The following DLGAP2 variants were observed in gnomAD, a reference collection of about 807,000 sequenced individuals.
DLGAP2 encodes DLG associated protein 2, also known as disks large-associated protein 2.
Under a neutral mutation model 100.3 loss-of-function variants are expected in DLGAP2, and 26 were observed. That is an observed-to-expected ratio of 0.26 (90% confidence interval 0.19 to 0.36). The LOEUF (loss-of-function observed/expected upper bound fraction) is 0.36. Among genes scored for constraint, DLGAP2 ranks in the 10% least tolerant of loss-of-function variants. DLGAP2 has a pLI of 1.00. For missense variants in DLGAP2, 1,858 were observed against 1,453.2 expected (o/e 1.28, Z -4.53); for synonymous variants, 886 against 630.1 (o/e 1.41, Z -6.08).
intron 1 of DLGAP2, among the ~76,000 whole-genome samples, chr8:852,671 A>T (rs1369202960): frequency 6.6e-6 from 1 of 152,168 alleles, no homozygotes; most frequent in Non-Finnish European, 1.5e-5. Context: ...ATGTTCGCAG[A>T]TGTCATGCTA....
intron 3 of DLGAP2, among the ~76,000 whole-genome samples, chr8:1,349,679 A>G (rs56091790): frequency 5.1e-4 from 45 of 88,410 alleles, no homozygotes; most frequent in South Asian, 8.8e-4. Context: ...GGAGACTATC[A>G]TGAGCCTCCT....
At chr8:1,012,110 C>G (rs1198133834) in intron 2 of DLGAP2, among the ~76,000 whole-genome samples, 1 of 152,210 alleles carries the variant, frequency 6.6e-6, no homozygotes, top group Non-Finnish European at 1.5e-5. Flanking sequence ...CTGTTCCCCA[C>G]TTGCAGACTC....
At chr8:1,495,854 G>A (rs147117838) in intron 3 of DLGAP2, among the ~76,000 whole-genome samples, 19 of 152,288 alleles carry the variant, frequency 1.2e-4, no homozygotes, top group African/African-American at 2.2e-4. Flanking sequence ...GTTAAATAGC[G>A]CGTGTCCATC....
chr8:1,696,956 G>T (rs763439344), intron 13 of DLGAP2, among the ~76,000 whole-genome samples, 191 bp from the exon 14 acceptor site: 1 of 152,238 alleles, frequency 6.6e-6, no homozygotes, highest in East Asian at 1.9e-4. Context: ...TTTTTAGGCC[G>T]ACAGCAAATA....
At chr8:1,343,189 C>A (rs992211624) in intron 3 of DLGAP2, among the ~76,000 whole-genome samples, 1 of 152,192 alleles carries the variant, frequency 6.6e-6, no homozygotes, top group African/African-American at 2.4e-5. Context: ...AAGCAGTGTG[C>A]ATGGTTATGG....
chr8:1,271,318 G>A (rs9650488), intron 3 of DLGAP2, among the ~76,000 whole-genome samples: 34,413 of 151,994 alleles, frequency 0.23, 4,217 homozygotes, highest in Non-Finnish European at 0.28. Flanking sequence ...GGGGGGGTGC[G>A]CCCATTTCAA....
intron 2 of DLGAP2, among the ~76,000 whole-genome samples, chr8:1,166,337 C>T (rs532773533): frequency 2.0e-5 from 3 of 152,336 alleles, no homozygotes; most frequent in South Asian, 2.1e-4. Flanking sequence ...TTATCCTCTT[C>T]ATTCAGGACC....
At chr8:1,683,854 ATATGTGTGTGTGTGTG>A (rs1389497423) in intron 12 of DLGAP2, among the ~76,000 whole-genome samples, 1 of 72,982 alleles carries the variant, frequency 1.4e-5, no homozygotes, top group African/African-American at 8.5e-5. Context: ...ATATATATAT[ATATGTGTGTGTGTGTG>A]TGTGTGTGTG....
At chr8:821,288 C>T (rs530008348) in intron 1 of DLGAP2, among the ~76,000 whole-genome samples, 1 of 152,136 alleles carries the variant, frequency 6.6e-6, no homozygotes, top group Non-Finnish European at 1.5e-5. Flanking sequence ...GTCAATATAA[C>T]ATGATCATAG....
intron 1 of DLGAP2, among the ~76,000 whole-genome samples, chr8:877,634 C>G (rs143022440): frequency 4.1e-4 from 63 of 152,310 alleles, no homozygotes; most frequent in African/African-American, 1.5e-3. Context: ...CAAGAAGGAT[C>G]CTCCCAGCTG....
intron 1 of DLGAP2, among the ~76,000 whole-genome samples, chr8:792,131 C>T (rs1331682768): frequency 6.6e-6 from 1 of 152,102 alleles, no homozygotes; most frequent in Non-Finnish European, 1.5e-5. Flanking sequence ...TAATTAAATT[C>T]CAAGAGTTCT....
chr8:1,573,071 T>G (rs1281891144), intron 6 of DLGAP2, among the ~76,000 whole-genome samples: 4 of 42,734 alleles, frequency 9.4e-5, no homozygotes, highest in Middle Eastern at 0.016. Flanking sequence ...GGGTGAACTG[T>G]GGGGGCATCT....
At chr8:1,175,767 C>G (rs956385417) in intron 2 of DLGAP2, among the ~76,000 whole-genome samples, 2 of 152,190 alleles carry the variant, frequency 1.3e-5, no homozygotes, top group Non-Finnish European at 2.9e-5. Context: ...GTCATTCACC[C>G]TATACCTCAT....
At chr8:1,342,026 C>T (rs1398550725) in intron 3 of DLGAP2, among the ~76,000 whole-genome samples, 1 of 152,146 alleles carries the variant, frequency 6.6e-6, no homozygotes, top group Non-Finnish European at 1.5e-5. Flanking sequence ...TCTCAGGTCA[C>T]TGCAGCCTCG....
intron 8 of DLGAP2, among the ~76,000 whole-genome samples, chr8:1,638,321 A>C (rs1797817186): frequency 1.3e-5 from 2 of 152,194 alleles, no homozygotes; most frequent in South Asian, 4.2e-4. Context: ...CCTTATAAGA[A>C]GAGGAGATGA....
chr8:1,002,867 G>C (rs1309766748), intron 2 of DLGAP2: 2 of 152,254 alleles, frequency 1.3e-5, no homozygotes, highest in African/African-American at 4.8e-5. Flanking sequence ...CCAGCATGGC[G>C]CTAGTGGGGC....
intron 2 of DLGAP2, among the ~76,000 whole-genome samples, chr8:1,099,001 A>G (rs1804492815): frequency 6.6e-6 from 1 of 152,212 alleles, no homozygotes; most frequent in African/African-American, 2.4e-5. Context: ...TCGTTTGGAA[A>G]AGGGTACATT....
intron 1 of DLGAP2, among the ~76,000 whole-genome samples, chr8:838,334 C>G (rs1205311009): frequency 2.6e-5 from 4 of 152,070 alleles, no homozygotes; most frequent in East Asian, 3.8e-4. Flanking sequence ...TCAGCTACTC[C>G]ATTCACACAA....
chr8:1,181,434 G>C lies in DLGAP2; in HGVS notation c.74-77417G>C, dbSNP rs191939315. On this transcript the variant is annotated intron_variant, in intron 2 of 14. Transcript: ENST00000637795. ...CTCCATCCATGTTCCTGCAGGGCAC[G>C]TGATCTCATTCTTTTTAGTGGCTGC... Among the ~76,000 whole-genome samples, 274 of 152,258 alleles carry C rather than the reference G, an allele frequency of 1.8e-3. 2 individuals are homozygous for C. The highest frequency in any genetic ancestry group is 5.3e-4 in the Non-Finnish European group (36 of 68,016).
Sources: gnomAD v4.1 joint callset for allele counts (sites outside exome capture counted in the v4.1 genomes callset) on GRCh38, gnomAD v4.1.1 for gene constraint, MANE v1.5 for transcripts, NCBI Gene and HGNC (gene_info 2026-07-23, HGNC 2026-07-21) for gene names.